MAP1B: variants seen among roughly 807,000 people sequenced by gnomAD.
MAP1B encodes the protein microtubule associated protein 1B, also known as microtubule-associated protein 1B.
A neutral mutation model predicts 176.1 loss-of-function variants in MAP1B; 12 were observed. The observed-to-expected ratio is 0.07, with a 90% CI of 0.04 to 0.11. The LOEUF (loss-of-function observed/expected upper bound fraction) is 0.11. Ranked by LOEUF, MAP1B falls within the 10% of genes least tolerant of loss-of-function variation. The pLI is 1.00. For missense variants in MAP1B, 2,523 were observed against 2,990.5 expected (o/e 0.84, Z 3.65); for synonymous variants, 1,044 against 1,135.0 (o/e 0.92, Z 1.61).
At chr5:72,126,787 C>A (rs1234932618) in intron 2 of MAP1B, among the ~76,000 whole-genome samples, 1 of 152,196 alleles carries the variant, frequency 6.6e-6, no homozygotes. Context: ...AGGAAAGATG[C>A]ACAGCTTTAT....
At chr5:72,150,681 C>T (rs752251820) in intron 2 of MAP1B, among the ~76,000 whole-genome samples, 5 of 152,126 alleles carry the variant, frequency 3.3e-5, no homozygotes, top group Admixed American at 6.5e-5. Context: ...GGCCCCAGTG[C>T]GTGTTGTTCC....
intron 6 of MAP1B, 62 bp from the exon 7 acceptor site, chr5:72,205,021 AT>A (rs1216048420): frequency 2.1e-6 from 3 of 1,430,040 alleles, no homozygotes; most frequent in Non-Finnish European, 2.9e-6. Context: ...TTGCTATTCA[AT>A]TTTTTTCATA....
In MAP1B at chr5:72,199,498, T is replaced by C; in HGVS notation, c.6143T>C (p.Ile2048Thr). 6.2e-7 allele frequency: 1 copy of C among 1,613,866 alleles called. No individual in the cohort carries two copies. The highest frequency in any genetic ancestry group is 1.1e-5 in the South Asian group (1 of 91,060). Reference sequence around the variant, plus strand: ...TACTGTTACGAGACTGCAGAGAAAATCACTAGAACCCCTCAGGCATCCACA... The same window carrying C: ...TACTGTTACGAGACTGCAGAGAAAACCACTAGAACCCCTCAGGCATCCACA... ...STYCYETAEK[I>T]TRTPQASTYS... The change falls in exon 5 of 7, where the codon ATC (isoleucine) becomes ACC (threonine). Residue 2048 changes from isoleucine to threonine, a missense_variant. Coordinates refer to ENST00000296755, the MANE Select transcript of MAP1B (RefSeq NM_005909.5). This position sits in a 1 kb window ranked among gnomAD's most constrained non-coding sequence, Gnocchi z 4.2.
At chr5:72,123,868 C>T (rs368221755) in intron 2 of MAP1B, among the ~76,000 whole-genome samples, 2 of 152,078 alleles carry the variant, frequency 1.3e-5, no homozygotes, top group African/African-American at 4.8e-5. Context: ...TGGCCTCAAG[C>T]GATCCTCCTG....
intron 2 of MAP1B, among the ~76,000 whole-genome samples, chr5:72,153,126 G>A (rs555281952): frequency 1.3e-5 from 2 of 152,300 alleles, no homozygotes; most frequent in African/African-American, 2.4e-5. Flanking sequence ...GAGCCACCTC[G>A]TGTTTGCTTC....
chr5:72,157,407 C>A (rs930884932), intron 2 of MAP1B, among the ~76,000 whole-genome samples: 2 of 152,196 alleles, frequency 1.3e-5, no homozygotes, highest in Admixed American at 1.3e-4. Context: ...TTATTTAGTT[C>A]GTTGCTTTTA....
chr5:72,135,034 G>A (rs546725628), intron 2 of MAP1B, among the ~76,000 whole-genome samples: 4 of 151,256 alleles, frequency 2.6e-5, no homozygotes, highest in Non-Finnish European at 5.9e-5. Flanking sequence ...TGGTGGAAGA[G>A]TATAATTTTT....
In MAP1B at chr5:72,194,308, C is replaced by T. The variant is rs1404789386; in HGVS notation, c.953C>T (p.Pro318Leu). 2.5e-6 allele frequency: 4 copies of T among 1,614,060 alleles called. No homozygotes were observed. The highest frequency in any genetic ancestry group is 1.1e-5 in the South Asian group (1 of 91,086). ...ACCCACATTGGGGATGACAATTTGC[C>T]TGGAATAAACAGCATGTTACAGCGG... ...LLTHIGDDNLPGINSMLQRKI... is the reference protein window; with the variant it reads ...LLTHIGDDNLLGINSMLQRKI... The change falls in exon 5 of 7, where the codon CCT becomes CTT. Residue 318 changes from proline (P) to leucine (L), a missense_variant. Coordinates refer to ENST00000296755, the MANE Select transcript of MAP1B (RefSeq NM_005909.5). This position sits in a 1 kb window ranked among gnomAD's most constrained non-coding sequence, Gnocchi z 7.2.
chr5:72,160,855 G>A (rs1746313999), intron 2 of MAP1B, among the ~76,000 whole-genome samples: 2 of 152,168 alleles, frequency 1.3e-5, no homozygotes, highest in Admixed American at 6.5e-5. Context: ...GGAAATAAGT[G>A]ACAGTTCATT....
intron 2 of MAP1B, among the ~76,000 whole-genome samples, chr5:72,159,019 T>A (rs888085593): frequency 6.6e-6 from 1 of 152,072 alleles, no homozygotes; most frequent in Admixed American, 6.5e-5. Flanking sequence ...GGGGTGTGAG[T>A]ACTGTTATTC....
intron 4 of MAP1B, among the ~76,000 whole-genome samples, chr5:72,189,362 T>C (rs1439346498): frequency 3.3e-5 from 5 of 152,202 alleles, no homozygotes; most frequent in Non-Finnish European, 2.9e-5. Flanking sequence ...TTTTTCCTTA[T>C]TTGTCTCATT....
chr5:72,159,137 A>G (rs1466154053), intron 2 of MAP1B, among the ~76,000 whole-genome samples: 1 of 152,184 alleles, frequency 6.6e-6, no homozygotes, highest in Non-Finnish European at 1.5e-5. Context: ...GCCAGTCTCC[A>G]AAGCCTCTTT....
At position 72,205,811 on chromosome 5, in the gene MAP1B, G is replaced by T. The variant is rs1169080211; in HGVS notation, c.*572G>T. ...TACATAGGCAAAGTTTTCCATTTTT[G>T]TCAGTCTGAGTCATCAAAAAGAGTC... On this transcript the variant is annotated 3_prime_UTR_variant, in exon 7 of 7. Coordinates refer to ENST00000296755, the MANE Select transcript of MAP1B (RefSeq NM_005909.5). 1 of 152,160 alleles carries T rather than the reference G, an allele frequency of 6.6e-6. No individual in the cohort carries two copies. Among genetic ancestry groups the T allele is most frequent in the Non-Finnish European group, 1.5e-5 (1 of 68,030 alleles). 9.4% of individuals were successfully genotyped at this position (152,160 alleles called of 1,614,324 possible).
At chr5:72,136,820 G>T (rs951508769) in intron 2 of MAP1B, among the ~76,000 whole-genome samples, 1 of 152,026 alleles carries the variant, frequency 6.6e-6, no homozygotes, top group African/African-American at 2.4e-5. Context: ...TTGTCCAGAG[G>T]GTGCTAATAT....
chr5:72,118,550 C>T (rs1456549495), intron 2 of MAP1B, among the ~76,000 whole-genome samples: 4 of 152,156 alleles, frequency 2.6e-5, no homozygotes, highest in Admixed American at 6.5e-5. Flanking sequence ...CAATCATATA[C>T]AGACCAACAT....
At chr5:72,152,959 A>C (rs1399960165) in intron 2 of MAP1B, among the ~76,000 whole-genome samples, 1 of 152,200 alleles carries the variant, frequency 6.6e-6, no homozygotes, top group East Asian at 1.9e-4. Flanking sequence ...CAGAGGAACC[A>C]CAGGGAAACC....
chr5:72,189,504 C>G (rs1370981490), intron 4 of MAP1B, among the ~76,000 whole-genome samples: 1 of 152,128 alleles, frequency 6.6e-6, no homozygotes, highest in Non-Finnish European at 1.5e-5. Flanking sequence ...TAACCCTGCT[C>G]ACTGTCCTTC....
chr5:72,184,271 T>C (rs1472992450), intron 3 of MAP1B, among the ~76,000 whole-genome samples: 2 of 152,160 alleles, frequency 1.3e-5, no homozygotes, highest in African/African-American at 4.8e-5. Context: ...CCTATCGCTG[T>C]GGAAAGGCAG....
At chr5:72,134,680 G>A (rs972108910) in intron 2 of MAP1B, among the ~76,000 whole-genome samples, 9 of 151,754 alleles carry the variant, frequency 5.9e-5, no homozygotes, top group Admixed American at 3.9e-4. Flanking sequence ...TAGTGAAAGC[G>A]TCTGGGACAC....
Sources: gnomAD v4.1 joint callset for allele counts (sites outside exome capture counted in the v4.1 genomes callset) on GRCh38, gnomAD v4.1.1 for gene constraint, Gnocchi (gnomAD v3.1) non-coding constraint, MANE v1.5 for transcripts, NCBI Gene and HGNC (gene_info 2026-07-23, HGNC 2026-07-21) for gene names.